DLGAP1: variants seen among roughly 807,000 people sequenced by gnomAD.
DLGAP1 encodes disks large-associated protein 1.
Under a neutral mutation model 90.8 loss-of-function variants are expected in DLGAP1, and 11 were observed. That is an observed-to-expected ratio of 0.12 (90% confidence interval 0.08 to 0.20). The LOEUF is 0.20. Among genes scored for constraint, DLGAP1 ranks in the 10% least tolerant of loss-of-function variants. The probability of loss-of-function intolerance (pLI) is 1.00; values close to 1 mark genes in which losing one functional copy is unlikely to be tolerated. For synonymous variants in DLGAP1, 558 were observed against 540.7 expected (o/e 1.03, Z -0.44); for missense variants, 1,050 against 1,333.8 (o/e 0.79, Z 3.31).
At chr18:3,593,772 GAGC>G (rs2056415147) in intron 7 of DLGAP1, 1 of 152,128 alleles carries the variant, frequency 6.6e-6, no homozygotes, top group South Asian at 2.1e-4. Flanking sequence ...CTTCTGGGGA[GAGC>G]AGATCTTTCA....
intron 7 of DLGAP1, among the ~76,000 whole-genome samples, chr18:3,619,828 T>C (rs2058031470): frequency 6.7e-6 from 1 of 149,468 alleles, no homozygotes; most frequent in Non-Finnish European, 1.5e-5. Flanking sequence ...TTTTTTGAGA[T>C]GAGGTCTTGC....
intron 3 of DLGAP1, among the ~76,000 whole-genome samples, chr18:3,918,548 G>T (rs2072196807): frequency 6.6e-6 from 1 of 152,124 alleles, no homozygotes; most frequent in Admixed American, 6.5e-5. Flanking sequence ...GTGAATCACA[G>T]AACTTTGGAT....
chr18:4,291,929 T>C (rs1264725876), intron 1 of DLGAP1, among the ~76,000 whole-genome samples: 2 of 152,174 alleles, frequency 1.3e-5, no homozygotes, highest in Admixed American at 6.6e-5. Context: ...AATCTGCCTA[T>C]AGACTAGAAG....
At chr18:4,407,634 T>A (rs1393488822) in intron 1 of DLGAP1, among the ~76,000 whole-genome samples, 1 of 152,030 alleles carries the variant, frequency 6.6e-6, no homozygotes, top group East Asian at 1.9e-4. Context: ...ATCCCAGCAC[T>A]TTGGGAGGCT....
At chr18:4,170,959 G>A (rs979125418) in intron 1 of DLGAP1, among the ~76,000 whole-genome samples, 15 of 152,020 alleles carry the variant, frequency 9.9e-5, no homozygotes, top group African/African-American at 3.6e-4. Context: ...AGTGAACTCT[G>A]TTTTTTAACA....
chr18:4,412,400 G>C (rs1316050857), intron 1 of DLGAP1, among the ~76,000 whole-genome samples: 1 of 152,174 alleles, frequency 6.6e-6, no homozygotes, highest in Non-Finnish European at 1.5e-5. Context: ...CCCTCATCAA[G>C]ATATAGTCAG....
chr18:4,242,069 G>A lies in DLGAP1; in HGVS notation c.-266-90782C>T, dbSNP rs549565891. 5.3e-5 allele frequency among the ~76,000 whole-genome samples: 8 copies of A among 152,096 alleles called. 1 individual carries two copies. In the South Asian group the frequency reaches 1.2e-3, roughly 24 times the overall value. On this transcript the variant is annotated intron_variant, in intron 1 of 12. Transcript: ENST00000315677. ...GCTTCCATCATGAAAACCATCAGGC[G>A]CCAGACATATCTGCTTCTCAAAAGC... is the stretch of plus-strand genomic sequence containing the variant.
intron 3 of DLGAP1, among the ~76,000 whole-genome samples, chr18:3,998,142 C>A (rs1025623250): frequency 6.6e-6 from 1 of 152,134 alleles, no homozygotes; most frequent in Non-Finnish European, 1.5e-5. Context: ...TGGCAATACT[C>A]AAATTTTAAA....
chr18:3,611,064 C>T (rs898272319), intron 7 of DLGAP1, among the ~76,000 whole-genome samples: 9 of 150,578 alleles, frequency 6.0e-5, no homozygotes, highest in East Asian at 3.9e-4. Flanking sequence ...CCCAGGAGGT[C>T]GAGGCTGCTG....
intron 7 of DLGAP1, among the ~76,000 whole-genome samples, chr18:3,640,129 T>A (rs2058885374): frequency 6.6e-6 from 1 of 152,090 alleles, no homozygotes; most frequent in Non-Finnish European, 1.5e-5. Context: ...TCACAGCTCG[T>A]AGGATAGTAG....
chr18:3,552,708 AAG>A (rs1489282840), intron 9 of DLGAP1, among the ~76,000 whole-genome samples: 2 of 152,188 alleles, frequency 1.3e-5, no homozygotes, highest in African/African-American at 4.8e-5. Flanking sequence ...GCCTCTGAAG[AAG>A]AGACACCCTC....
rs75101225 is a variant in DLGAP1 at position 4,205,897 on chromosome 18, C to T, written c.-266-54610G>A. Among the ~76,000 whole-genome samples, 309 of 152,232 alleles carry T rather than the reference C, an allele frequency of 2.0e-3. 2 individuals carry two copies. The highest frequency in any genetic ancestry group is 7.3e-3 in the African/African-American group (303 of 41,522). ...AAACTGTGCTTGATGAAAGAAGTAACTCATGTAGTGTGAAGGATGGGCGTG... is the reference window on the plus strand; with the variant it reads ...AAACTGTGCTTGATGAAAGAAGTAATTCATGTAGTGTGAAGGATGGGCGTG... On this transcript the variant is annotated intron_variant, in intron 1 of 12. Transcript: ENST00000315677.
intron 3 of DLGAP1, among the ~76,000 whole-genome samples, chr18:3,970,806 T>C (rs2073432966): frequency 1.3e-5 from 2 of 152,172 alleles, no homozygotes. Context: ...TTCTTCCCCC[T>C]AATTGAACTG....
intron 7 of DLGAP1, among the ~76,000 whole-genome samples, chr18:3,668,150 A>G (rs751567049): frequency 1.9e-4 from 29 of 152,216 alleles, no homozygotes; most frequent in Non-Finnish European, 3.4e-4. Flanking sequence ...TCTCTTGTTC[A>G]GATGGCACAT....
At chr18:4,089,860 A>G (rs909499517) in intron 2 of DLGAP1, among the ~76,000 whole-genome samples, 1 of 152,174 alleles carries the variant, frequency 6.6e-6, no homozygotes, top group Non-Finnish European at 1.5e-5. Context: ...CCTGGCTAAC[A>G]CGGTGAAACC....
At chr18:3,842,736 G>A (rs1203793381) in intron 4 of DLGAP1, among the ~76,000 whole-genome samples, 1 of 152,132 alleles carries the variant, frequency 6.6e-6, no homozygotes, top group Non-Finnish European at 1.5e-5. Context: ...ATTTACAGGG[G>A]TAGGAAACAT....
chr18:3,632,316 T>C (rs1231568944), intron 7 of DLGAP1, among the ~76,000 whole-genome samples: 1 of 151,938 alleles, frequency 6.6e-6, no homozygotes, highest in Non-Finnish European at 1.5e-5. Context: ...TTTTTTTTTT[T>C]TGAGATGGAA....
intron 1 of DLGAP1, among the ~76,000 whole-genome samples, chr18:4,392,506 T>A (rs930303987): frequency 3.9e-5 from 6 of 152,156 alleles, no homozygotes; most frequent in Non-Finnish European, 5.9e-5. Context: ...AGGAATTTGA[T>A]CTTGTGTCAT....
intron 10 of DLGAP1, among the ~76,000 whole-genome samples, chr18:3,516,426 T>C (rs914923171): frequency 4.6e-5 from 7 of 152,270 alleles, no homozygotes; most frequent in African/African-American, 1.7e-4. Flanking sequence ...CAATGGACTT[T>C]GCCCAGGTCC....
Sources: allele counts gnomAD v4.1 joint callset (sites outside exome capture counted in the v4.1 genomes callset), GRCh38; gene constraint gnomAD v4.1.1; transcripts MANE v1.5; gene names NCBI Gene and HGNC (gene_info 2026-07-23, HGNC 2026-07-21).